AGBL1: variants seen among roughly 807,000 people sequenced by gnomAD.
AGBL1 encodes the protein AGBL carboxypeptidase 1, also known as cytosolic carboxypeptidase 4.
In AGBL1, 130 loss-of-function variants were observed where a neutral mutation model predicts 118.9. The ratio of observed to expected loss-of-function variants is 1.09; its 90% CI spans 0.95 to 1.26. AGBL1 has a LOEUF of 1.26. Among genes scored for constraint, AGBL1 ranks in the 50% most tolerant of loss-of-function variants. The pLI is 0.00. For synonymous variants in AGBL1, 555 were observed against 478.9 expected (o/e 1.16, Z -2.08); for missense variants, 1,584 against 1,298.1 (o/e 1.22, Z -3.38).
chr15:86,918,084 G>A (rs894052611), downstream of AGBL1, among the ~76,000 whole-genome samples: 6 of 152,156 alleles, frequency 3.9e-5, no homozygotes, highest in Non-Finnish European at 8.8e-5. Flanking sequence ...CAAGAAATTT[G>A]CAAAGTTCAT....
At chr15:86,487,817 C>T (rs2082731719) in intron 18 of AGBL1, among the ~76,000 whole-genome samples, 1 of 152,014 alleles carries the variant, frequency 6.6e-6, no homozygotes, top group Non-Finnish European at 1.5e-5. Flanking sequence ...GGAATTAAGT[C>T]TCTGAGTTGG....
Position 86,786,253 on chromosome 15 carries a change from C to G in AGBL1, c.3158+111817C>G, listed in dbSNP as rs557424254. ...GTATATCTCCTAAAGCTATCCCTCC[C>G]CCTTCCCCCGACCCCACAACAGTCC... is the stretch of plus-strand genomic sequence containing the variant. On this transcript the variant is annotated intron_variant, in intron 22 of 22. Transcript: ENST00000614907. 1.4e-4 allele frequency among the ~76,000 whole-genome samples: 22 copies of G among 152,124 alleles called. No homozygotes were observed. The East Asian group carries it at 2.9e-3, about 20-fold the overall frequency.
chr15:86,440,236 T>G (rs2082046553), intron 18 of AGBL1, among the ~76,000 whole-genome samples: 3 of 152,114 alleles, frequency 2.0e-5, no homozygotes, highest in African/African-American at 7.2e-5. Flanking sequence ...AACTTAATGC[T>G]ATTTTCATGA....
chr15:86,705,242 A>T (rs950751397), intron 22 of AGBL1, among the ~76,000 whole-genome samples: 1 of 152,160 alleles, frequency 6.6e-6, no homozygotes. Context: ...ACCATGGCAC[A>T]TGTATACCTG....
At chr15:86,369,473 C>T (rs1341056173) in intron 17 of AGBL1, among the ~76,000 whole-genome samples, 2 of 151,978 alleles carry the variant, frequency 1.3e-5, no homozygotes, top group Non-Finnish European at 2.9e-5. Context: ...TATTAAACTC[C>T]ATCAACTTAA....
intron 18 of AGBL1, among the ~76,000 whole-genome samples, chr15:86,491,484 T>C (rs1219812140): frequency 6.6e-6 from 1 of 152,084 alleles, no homozygotes; most frequent in East Asian, 1.9e-4. Context: ...GGTACAGCAA[T>C]TACAGTGCAC....
chr15:86,928,909 T>A (rs938230638), intron 23 of AGBL1, among the ~76,000 whole-genome samples: 1 of 152,168 alleles, frequency 6.6e-6, no homozygotes, highest in African/African-American at 2.4e-5. Context: ...ATGCATAACA[T>A]TGAATTTACC....
Position 86,757,416 on chromosome 15 carries a change from A to G in AGBL1, c.3158+82980A>G, listed in dbSNP as rs112197743. ...CAACTTTAATGTCCTCCTGTGAACT[A>G]GAGGAGTGACCTAATTTTTACTGAG... On this transcript the variant is annotated intron_variant, in intron 22 of 22. Transcript: ENST00000614907. 5.1e-3 allele frequency among the ~76,000 whole-genome samples: 770 copies of G among 152,196 alleles called. 4 individuals carry two copies. The highest frequency in any genetic ancestry group is 0.018 in the African/African-American group (739 of 41,550).
chr15:86,111,236 C>A (rs538702834), intron 1 of AGBL1, among the ~76,000 whole-genome samples: 7 of 152,304 alleles, frequency 4.6e-5, no homozygotes, highest in African/African-American at 1.7e-4. Context: ...TGATTTCTCT[C>A]CTTTGATGGA....
At chr15:86,817,409 G>A (rs1249455107) in intron 22 of AGBL1, among the ~76,000 whole-genome samples, 1 of 151,488 alleles carries the variant, frequency 6.6e-6, no homozygotes, top group Non-Finnish European at 1.5e-5. Flanking sequence ...GCGATGTTGT[G>A]GGTTGTGGCC....
At chr15:86,391,128 T>C (rs1036681800) in intron 17 of AGBL1, among the ~76,000 whole-genome samples, 1 of 152,080 alleles carries the variant, frequency 6.6e-6, no homozygotes, top group Non-Finnish European at 1.5e-5. Context: ...AATAATTTTA[T>C]CATGATCATT....
At chr15:86,138,003 T>G (rs2076912210) in intron 1 of AGBL1, among the ~76,000 whole-genome samples, 1 of 152,040 alleles carries the variant, frequency 6.6e-6, no homozygotes. Context: ...TCTCAGGGAG[T>G]ATCAGTGGGC....
At chr15:86,701,094 T>A (rs2086350533) in intron 22 of AGBL1, among the ~76,000 whole-genome samples, 1 of 152,190 alleles carries the variant, frequency 6.6e-6, no homozygotes, top group Non-Finnish European at 1.5e-5. Context: ...GGTGTCAGCC[T>A]CGGATCATTT....
In AGBL1 at chr15:86,374,185, C is replaced by T. The variant is rs149337736; in HGVS notation, c.2375-23181C>T. 3.0e-3 allele frequency among the ~76,000 whole-genome samples: 452 copies of T among 152,272 alleles called. 2 individuals carry two copies. Among genetic ancestry groups the T allele is most frequent in the African/African-American group, 8.3e-3 (345 of 41,558 alleles). ...AACTCAGCTTTTCTAAATTCTAATC[C>T]GCAGGTCTCTCCAATTAAGCATGTA... On this transcript the variant is annotated intron_variant, in intron 17 of 22. Transcript: ENST00000614907.
intron 22 of AGBL1, among the ~76,000 whole-genome samples, chr15:86,802,774 T>A (rs1375468368): frequency 6.6e-6 from 1 of 152,136 alleles, no homozygotes; most frequent in Non-Finnish European, 1.5e-5. Flanking sequence ...TATAAGTATT[T>A]GTGGTCAGAC....
At chr15:86,563,412 A>T (rs1408236551) in intron 21 of AGBL1, among the ~76,000 whole-genome samples, 2 of 152,192 alleles carry the variant, frequency 1.3e-5, no homozygotes, top group Admixed American at 1.3e-4. Flanking sequence ...CCCAGTAGTC[A>T]TTCAGGAGCA....
intron 21 of AGBL1, among the ~76,000 whole-genome samples, chr15:86,632,629 T>A (rs899848337): frequency 6.7e-5 from 8 of 118,804 alleles, no homozygotes; most frequent in Middle Eastern, 4.0e-3. Context: ...AATCTCATCA[T>A]GTTTTTTTTT....
chr15:86,491,513 G>C (rs1305677732), intron 18 of AGBL1, among the ~76,000 whole-genome samples: 1 of 152,092 alleles, frequency 6.6e-6, no homozygotes, highest in South Asian at 2.1e-4. Context: ...ACTTTGGCTA[G>C]TGTATAAGGC....
At chr15:86,356,189 G>T (rs992234671) in intron 17 of AGBL1, among the ~76,000 whole-genome samples, 6 of 152,180 alleles carry the variant, frequency 3.9e-5, no homozygotes, top group Admixed American at 6.5e-5. Flanking sequence ...AATGGAAATG[G>T]AAGTGAGAAA....
Sources: gnomAD v4.1 joint callset for allele counts (sites outside exome capture counted in the v4.1 genomes callset) on GRCh38, gnomAD v4.1.1 for gene constraint, MANE v1.5 for transcripts, NCBI Gene and HGNC (gene_info 2026-07-23, HGNC 2026-07-21) for gene names.